The following COLEC12 variants were observed in gnomAD, a reference collection of about 807,000 sequenced individuals.
COLEC12 encodes the protein collectin-12.
COLEC12 carries 33 observed loss-of-function variants against 71.1 expected under a neutral mutation model. The ratio of observed to expected loss-of-function variants is 0.46; its 90% CI spans 0.35 to 0.62. The LOEUF (loss-of-function observed/expected upper bound fraction) is 0.62, where lower values mean the gene tolerates loss of function less well. Among genes scored for constraint, COLEC12 ranks in the 20% least tolerant of loss-of-function variants. The pLI is 0.00. For synonymous variants in COLEC12, 350 were observed against 353.0 expected (o/e 0.99, Z 0.10); for missense variants, 765 against 916.1 (o/e 0.84, Z 2.13).
chr18:377,283 A>C (rs2143550560), intron 2 of COLEC12, among the ~76,000 whole-genome samples: 1 of 152,338 alleles, frequency 6.6e-6, no homozygotes, highest in South Asian at 2.1e-4. Context: ...TCCAGATGGC[A>C]GAAGAGAAAC....
Position 429,629 on chromosome 18 carries a change from C to T in COLEC12, c.58+51078G>A, listed in dbSNP as rs190631236. Among the ~76,000 whole-genome samples the T allele has an allele frequency of 8.4e-3, 1,280 of 152,216 alleles. 11 individuals are homozygous for T. The highest frequency in any genetic ancestry group is 0.011 in the Non-Finnish European group (749 of 68,004). On this transcript the variant is annotated intron_variant, in intron 2 of 9. Transcript: ENST00000400256. ...ACTGCTGACCTCAAGCGAACCGCCC[C>T]CGTCAACCTCCCAAAGTTCTGGGAT...
At chr18:341,348 C>G (rs544706953) in intron 5 of COLEC12, among the ~76,000 whole-genome samples, 9 of 152,224 alleles carry the variant, frequency 5.9e-5, no homozygotes, top group African/African-American at 2.2e-4. Flanking sequence ...ATGTCAATAA[C>G]TCCTCCCTTA....
intron 2 of COLEC12, among the ~76,000 whole-genome samples, chr18:359,945 G>GA (rs1165752298): frequency 6.6e-6 from 1 of 152,190 alleles, no homozygotes; most frequent in Non-Finnish European, 1.5e-5. Context: ...AATGATGAGA[G>GA]AAACAGCATA....
rs1274157186 is a variant in COLEC12 at position 346,330 on chromosome 18, T to C, written c.1292A>G (p.His431Arg). Reference sequence around the variant, plus strand: ...TGTAAAATTCTTGATGAGCTGACCATGCTTGGAGTCTACTAGCTTCATTTC... The same window carrying C: ...TGTAAAATTCTTGATGAGCTGACCACGCTTGGAGTCTACTAGCTTCATTTC... ...MEEMKLVDSK[H>R]GQLIKNFTIL... is the part of the protein sequence containing the mutation. Residue 431 changes from histidine (H) to arginine (R), a missense_variant, in exon 5 of 10, where the codon CAT (histidine) becomes CGT (arginine). By Grantham distance (29) the His-to-Arg change is conservative (BLOSUM62 0). Coordinates refer to ENST00000400256, the MANE Select transcript of COLEC12 (RefSeq NM_130386.3). The surrounding 1 kb of genome is among the most constrained non-coding windows in gnomAD (Gnocchi z 4.0). 1 of 1,613,768 alleles carries C rather than the reference T, an allele frequency of 6.2e-7. No homozygotes were observed. The highest frequency in any genetic ancestry group is 8.5e-7 in the Non-Finnish European group (1 of 1,179,890).
At chr18:450,102 G>A (rs1893134) in intron 2 of COLEC12, among the ~76,000 whole-genome samples, 31,241 of 152,146 alleles carry the variant, frequency 0.21, 3,436 homozygotes, top group East Asian at 0.38. Flanking sequence ...TAAGTTACAT[G>A]AAGGGAAAAC....
intron 8 of COLEC12, among the ~76,000 whole-genome samples, chr18:328,086 C>G (rs1913887482): frequency 6.6e-6 from 1 of 152,152 alleles, no homozygotes; most frequent in African/African-American, 2.4e-5. Context: ...GATACTCCCA[C>G]CTCAGCCTAC....
Position 467,138 on chromosome 18 carries a change from C to T in COLEC12, c.58+13569G>A, listed in dbSNP as rs1050384580. On this transcript the variant is annotated intron_variant, in intron 2 of 9. Transcript: ENST00000400256. ...TCCTTCCTTCCTGCCCTCTTTCCTT[C>T]CTTTCTTCCTTCCTTCATTCTAATG... Among the ~76,000 whole-genome samples, 17 of 152,198 alleles carry T rather than the reference C, an allele frequency of 1.1e-4. 1 individual carries two copies.
chr18:367,207 C>T (rs1372350303), intron 2 of COLEC12, among the ~76,000 whole-genome samples: 6 of 152,126 alleles, frequency 3.9e-5, no homozygotes, highest in Admixed American at 2.0e-4. Context: ...AATATAATGA[C>T]GAGGGGGAAC....
rs746298607 is a variant in COLEC12 at position 362,509 on chromosome 18, CCT to C, written c.59-4989_59-4988del. ...AAATAACATTCAAGAGAGATATCCC[CCT>C]GTTACCAGCCTTTGTAGTGTTTGTT... is the stretch of plus-strand genomic sequence containing the variant. On this transcript the variant is annotated intron_variant, in intron 2 of 9. Coordinates refer to ENST00000400256, the MANE Select transcript of COLEC12 (RefSeq NM_130386.3). The surrounding 1 kb of genome is among the most constrained non-coding windows in gnomAD (Gnocchi z 4.6). Among the ~76,000 whole-genome samples the C allele has an allele frequency of 1.9e-4, 29 of 152,186 alleles. No homozygotes were observed. Among genetic ancestry groups the C allele is most frequent in the South Asian group, 4.2e-4 (2 of 4,814 alleles).
intron 2 of COLEC12, among the ~76,000 whole-genome samples, chr18:360,913 C>T (rs960828247): frequency 6.6e-6 from 1 of 152,176 alleles, no homozygotes; most frequent in Non-Finnish European, 1.5e-5. Flanking sequence ...TATGTCTCAG[C>T]ACCGTCTCTT....
intron 1 of COLEC12, among the ~76,000 whole-genome samples, chr18:496,606 C>T (rs1450042710): frequency 6.6e-6 from 1 of 152,188 alleles, no homozygotes; most frequent in Admixed American, 6.5e-5. Context: ...AGCAAAAAGA[C>T]TGTGAGTCCC....
chr18:498,363 C>CTTT (rs542727500), intron 1 of COLEC12, among the ~76,000 whole-genome samples: 8 of 100,732 alleles, frequency 7.9e-5, no homozygotes, highest in South Asian at 3.2e-4. Flanking sequence ...TATTTTTTTT[C>CTTT]TTTTTTTTTT....
chr18:352,444 C>G (rs1914543147), intron 3 of COLEC12, among the ~76,000 whole-genome samples: 1 of 152,064 alleles, frequency 6.6e-6, no homozygotes, highest in Non-Finnish European at 1.5e-5. Flanking sequence ...AAACAGAGAA[C>G]TGTCATGGAC....
intron 2 of COLEC12, among the ~76,000 whole-genome samples, chr18:448,353 G>A (rs759570901): frequency 6.6e-6 from 1 of 152,138 alleles, no homozygotes; most frequent in Middle Eastern, 3.2e-3. Context: ...TAGTAAACTT[G>A]GTTTGGCAAA....
At chr18:473,658 C>T (rs190739233) in intron 2 of COLEC12, among the ~76,000 whole-genome samples, 10 of 152,310 alleles carry the variant, frequency 6.6e-5, no homozygotes, top group African/African-American at 2.4e-4. Context: ...CCACAGCGCC[C>T]GGCCTCAACT....
intron 2 of COLEC12, among the ~76,000 whole-genome samples, chr18:441,970 A>G (rs1916544393): frequency 7.0e-6 from 1 of 142,480 alleles, no homozygotes; most frequent in African/African-American, 3.0e-5. Flanking sequence ...ACTACACTCT[A>G]GCCTGGGTGA....
chr18:336,721 G>A (rs1320334989), intron 5 of COLEC12, among the ~76,000 whole-genome samples: 2 of 152,314 alleles, frequency 1.3e-5, no homozygotes, highest in East Asian at 3.9e-4. Flanking sequence ...TCACAATCTA[G>A]TAGTGGAGCT....
chr18:398,059 C>T (rs1180736614), intron 2 of COLEC12, among the ~76,000 whole-genome samples: 1 of 4,442 alleles, frequency 2.3e-4, no homozygotes, highest in Non-Finnish European at 7.5e-4. Flanking sequence ...TTCTATGTTA[C>T]CAAAAAAACA....
intron 1 of COLEC12, among the ~76,000 whole-genome samples, chr18:481,512 C>T (rs1567921430): frequency 6.7e-6 from 1 of 148,934 alleles, no homozygotes; most frequent in Non-Finnish European, 1.5e-5. Flanking sequence ...CGAGCCCAGC[C>T]TGGCCAACAT....
Sources: allele counts gnomAD v4.1 joint callset (sites outside exome capture counted in the v4.1 genomes callset), GRCh38; gene constraint gnomAD v4.1.1; non-coding constraint Gnocchi (gnomAD v3.1); transcripts MANE v1.5; gene names NCBI Gene and HGNC (gene_info 2026-07-23, HGNC 2026-07-21).